The following SELENOF variants were observed in gnomAD, a reference collection of about 807,000 sequenced individuals.
The protein encoded by SELENOF is 15 kDa selenoprotein.
A neutral mutation model predicts 20.5 loss-of-function variants in SELENOF; 16 were observed. That is an observed-to-expected ratio of 0.78 (90% CI 0.53 to 1.19). SELENOF has a LOEUF of 1.19. Among genes scored for constraint, SELENOF ranks in the 50% most tolerant of loss-of-function variants. SELENOF has a pLI of 0.00. For missense variants in SELENOF, 215 were observed against 194.2 expected (o/e 1.11, Z -0.64); for synonymous variants, 78 against 74.5 (o/e 1.05, Z -0.24).
chr1:86,874,270 C>A (rs1658867609), intron 3 of SELENOF, among the ~76,000 whole-genome samples: 1 of 152,000 alleles, frequency 6.6e-6, no homozygotes, highest in African/African-American at 2.4e-5. Context: ...TGCCCAGCCA[C>A]CAATTTGGAG....
chr1:86,897,480 G>A (rs1045570988), intron 2 of SELENOF, among the ~76,000 whole-genome samples: 1 of 152,194 alleles, frequency 6.6e-6, no homozygotes, highest in Admixed American at 6.5e-5. Context: ...AAGATGGGAA[G>A]CTGAGCTAAA....
Position 86,914,081 on chromosome 1 carries a change from A to ACCCACTCGGCCCAGCCGCCATCG in SELENOF, c.8_30dup (p.Cys11ArgfsTer42). On this transcript the variant is annotated frameshift_variant, in exon 1 of 5. Coordinates refer to ENST00000331835, the MANE Select transcript of SELENOF (RefSeq NM_004261.5). LOFTEE classifies it high-confidence loss of function. The stretch of plus-strand genomic sequence containing the variant: ...CGTAGCCCAAACGCCGGCACCAGAC[A>ACCCACTCGGCCCAGCCGCCATCG]CCCACTCGGCCCAGCCGCCATCGCT... 2 of 1,613,728 alleles carry ACCCACTCGGCCCAGCCGCCATCG rather than the reference A, an allele frequency of 1.2e-6. No homozygotes were observed. The highest frequency in any genetic ancestry group is 1.7e-6 in the Non-Finnish European group (2 of 1,179,858).
chr1:86,898,689 C>G (rs1411353163), intron 2 of SELENOF, among the ~76,000 whole-genome samples: 2 of 150,464 alleles, frequency 1.3e-5, no homozygotes, highest in East Asian at 3.9e-4. Flanking sequence ...TCAAGCGATT[C>G]TCCTGCCTCA....
chr1:86,873,460 G>A (rs564958574), intron 3 of SELENOF, among the ~76,000 whole-genome samples: 13 of 152,150 alleles, frequency 8.5e-5, no homozygotes, highest in Non-Finnish European at 1.9e-4. Flanking sequence ...TGAGATAAAG[G>A]AAATATTCTT....
chr1:86,899,538 G>A (rs1254368077), intron 2 of SELENOF, among the ~76,000 whole-genome samples: 174 of 137,742 alleles, frequency 1.3e-3, no homozygotes, highest in African/African-American at 1.5e-3. Flanking sequence ...TGGCCGGGCG[G>A]GGGGCTGACC....
At chr1:86,889,207 G>C (rs1659315320) in intron 2 of SELENOF, among the ~76,000 whole-genome samples, 1 of 152,074 alleles carries the variant, frequency 6.6e-6, no homozygotes, top group African/African-American at 2.4e-5. Flanking sequence ...TACTATTTTA[G>C]AATTCATTAT....
At chr1:86,882,009 G>A (rs970075450) in intron 2 of SELENOF, among the ~76,000 whole-genome samples, 6 of 151,990 alleles carry the variant, frequency 3.9e-5, no homozygotes, top group South Asian at 2.1e-4. Context: ...TGAGGTGGGC[G>A]GATCACGAGG....
intron 2 of SELENOF, among the ~76,000 whole-genome samples, chr1:86,884,338 CACAT>C (rs1301403327): frequency 5.9e-5 from 8 of 135,492 alleles, no homozygotes; most frequent in South Asian, 2.2e-4. Context: ...TTAGCGGGCG[CACAT>C]ACATACACAC....
intron 3 of SELENOF, among the ~76,000 whole-genome samples, chr1:86,876,184 G>C (rs577213769): frequency 6.6e-6 from 1 of 151,762 alleles, no homozygotes; most frequent in East Asian, 1.9e-4. Flanking sequence ...ACAGAAAAGA[G>C]AAAGGGACTA....
At chr1:86,869,276 G>A (rs1280501473) in intron 3 of SELENOF, among the ~76,000 whole-genome samples, 2 of 152,128 alleles carry the variant, frequency 1.3e-5, no homozygotes, top group South Asian at 2.1e-4. Context: ...AAAAAGTCTC[G>A]CTAAACCAAG....
chr1:86,914,209 C>T (rs1002467446), upstream of SELENOF: 2 of 1,041,450 alleles, frequency 1.9e-6, no homozygotes, highest in Non-Finnish European at 3.0e-6. Context: ...GTTGCCCTTA[C>T]ATCTCTCATT....
At chr1:86,883,865 A>G (rs905173480) in intron 2 of SELENOF, among the ~76,000 whole-genome samples, 5 of 152,134 alleles carry the variant, frequency 3.3e-5, no homozygotes, top group Admixed American at 1.3e-4. Context: ...TAACCCACTC[A>G]TGGGAAGCTT....
At chr1:86,904,451 C>T (rs1218922181) in intron 1 of SELENOF, among the ~76,000 whole-genome samples, 1 of 151,362 alleles carries the variant, frequency 6.6e-6, no homozygotes, top group Non-Finnish European at 1.5e-5. Context: ...AACAATATTC[C>T]CTTCCCTCAT....
At chr1:86,885,164 C>T (rs576311118) in intron 2 of SELENOF, among the ~76,000 whole-genome samples, 1 of 152,226 alleles carries the variant, frequency 6.6e-6, no homozygotes, top group Admixed American at 6.5e-5. Flanking sequence ...ACTACAGGTA[C>T]TACAGGTTGA....
At chr1:86,884,374 CACATAT>C (rs769087201) in intron 2 of SELENOF, among the ~76,000 whole-genome samples, 27 of 141,474 alleles carry the variant, frequency 1.9e-4, no homozygotes, top group African/African-American at 5.8e-4. Context: ...CACACACACA[CACATAT>C]ACACACACAT....
chr1:86,884,388 CATAT>C (rs965524859), intron 2 of SELENOF, among the ~76,000 whole-genome samples: 1 of 151,632 alleles, frequency 6.6e-6, no homozygotes, highest in South Asian at 2.1e-4. Flanking sequence ...TATACACACA[CATAT>C]ATATACACGC....
Position 86,877,561 on chromosome 1 carries a change from C to T in SELENOF, c.316+3101G>A, listed in dbSNP as rs534304714. On this transcript the variant is annotated intron_variant, in intron 3 of 4. Transcript: ENST00000331835. ...ACTTATGTTTCATATATACCTTATA[C>T]ATAAAGCCTGAAGGTAATTTTATGC... 2.0e-5 allele frequency among the ~76,000 whole-genome samples: 3 copies of T among 152,308 alleles called. No individual in the cohort carries two copies. The South Asian group carries it at 6.2e-4, about 32-fold the overall frequency.
At chr1:86,883,118 C>T (rs980819859) in intron 2 of SELENOF, among the ~76,000 whole-genome samples, 6 of 138,318 alleles carry the variant, frequency 4.3e-5, no homozygotes, top group African/African-American at 1.4e-4. Flanking sequence ...AAGAGCGAGA[C>T]TTGTCTCAAA....
At chr1:86,872,922 C>A (rs1658816223) in intron 3 of SELENOF, among the ~76,000 whole-genome samples, 1 of 152,022 alleles carries the variant, frequency 6.6e-6, no homozygotes, top group South Asian at 2.1e-4. Flanking sequence ...GCGCCTGTAG[C>A]GCGGCTACTC....
Sources: allele counts gnomAD v4.1 joint callset (sites outside exome capture counted in the v4.1 genomes callset), GRCh38; gene constraint gnomAD v4.1.1; transcripts MANE v1.5; gene names NCBI Gene and HGNC (gene_info 2026-07-23, HGNC 2026-07-21).